DNASE1: variants seen among roughly 807,000 people sequenced by gnomAD.
DNASE1 encodes the protein deoxyribonuclease 1.
A neutral mutation model predicts 33.9 loss-of-function variants in DNASE1; 40 were observed. The observed-to-expected ratio is 1.18, with a 90% CI of 0.92 to 1.54. The LOEUF is 1.54. DNASE1 is among the 40% of genes most tolerant of loss of function. The pLI is 0.00. For synonymous variants in DNASE1, 216 were observed against 160.0 expected, an observed-to-expected ratio of 1.35 and a Z score of -2.64; for missense variants, 518 against 372.6, an observed-to-expected ratio of 1.39 and a Z score of -3.21.
chr16:3,622,213 G>GAAAAA (rs56171298), intron 1 of DNASE1, among the ~76,000 whole-genome samples: 2 of 68,286 alleles, frequency 2.9e-5, no homozygotes, highest in Non-Finnish European at 6.1e-5. Flanking sequence ...GAGCAAGACT[G>GAAAAA]AAAAAAAAAA....
downstream of DNASE1, chr16:3,662,971 C>A (rs771331013): frequency 1.2e-6 from 2 of 1,605,974 alleles, no homozygotes; most frequent in Non-Finnish European, 1.7e-6. Context: ...TCGGCGGCTG[C>A]GGAAGAGCAG....
intron 1 of DNASE1, among the ~76,000 whole-genome samples, chr16:3,647,404 G>C (rs1050733187): frequency 6.6e-6 from 1 of 151,826 alleles, no homozygotes; most frequent in East Asian, 1.9e-4. Flanking sequence ...CTCCTGAGTA[G>C]CTGGGACTAC....
chr16:3,655,952 C>T lies in DNASE1; in HGVS notation c.236+15C>T, dbSNP rs1266241606. The T allele has an allele frequency of 2.9e-5, 47 of 1,613,808 alleles. No individual in the cohort carries two copies. Among genetic ancestry groups the T allele is most frequent in the African/African-American group, 8.0e-5 (6 of 74,920 alleles). On this transcript the variant is annotated intron_variant, in intron 3 of 8. Coordinates refer to ENST00000246949, the MANE Select transcript of DNASE1 (RefSeq NM_005223.4). ...AACCTCAATCAGTGGGTGACAGTGG[C>T]AGGGTCATAGGAAGGTGACATCTCG...
At chr16:3,662,187 G>A, downstream of DNASE1, 4 of 1,573,804 alleles carry the variant, frequency 2.5e-6, no homozygotes, top group South Asian at 1.2e-5. Context: ...TGAGAGGGCT[G>A]GCAGGATCTT....
intron 1 of DNASE1, among the ~76,000 whole-genome samples, chr16:3,622,860 T>C (rs150490552): frequency 3.3e-5 from 5 of 152,338 alleles, no homozygotes; most frequent in African/African-American, 9.6e-5. Flanking sequence ...GACTCACCTT[T>C]ACGTTCTCTT....
At chr16:3,664,221 G>C in exon 10 of DNASE1, 10 of 1,478,176 alleles carry the variant, frequency 6.8e-6, no homozygotes, top group Non-Finnish European at 9.0e-6. Context: ...AGAAGGTCAA[G>C]ACCCTCCCCA....
chr16:3,649,390 TAGCATCCCCCTA>T (rs2042266300), intron 1 of DNASE1, among the ~76,000 whole-genome samples: 1 of 152,240 alleles, frequency 6.6e-6, no homozygotes, highest in African/African-American at 2.4e-5. Flanking sequence ...GTTGAGTTCC[TAGCATCCCCCTA>T]AGGTGGCTGA....
At chr16:3,614,811 T>C (rs1464050596) in intron 1 of DNASE1, among the ~76,000 whole-genome samples, 2 of 152,226 alleles carry the variant, frequency 1.3e-5, no homozygotes, top group African/African-American at 4.8e-5. Flanking sequence ...CTAATAAACA[T>C]GGACATGGCT....
chr16:3,655,116 C>T (rs1000983937), intron 1 of DNASE1, 72 bp downstream of exon 1: 2 of 600,582 alleles, frequency 3.3e-6, no homozygotes, highest in African/African-American at 3.7e-5. Context: ...GAGTCTCATC[C>T]TCCAGCAGCG....
intron 1 of DNASE1, among the ~76,000 whole-genome samples, chr16:3,612,384 G>A (rs2040914961): frequency 6.6e-6 from 1 of 151,892 alleles, no homozygotes; most frequent in South Asian, 2.1e-4. Context: ...CCAAGTAGCT[G>A]GGATTACAGG....
chr16:3,641,156 G>T (rs974189603), upstream of DNASE1: 2 of 391,390 alleles, frequency 5.1e-6, no homozygotes, highest in Non-Finnish European at 9.0e-6. Context: ...GCAGCTCCAC[G>T]CTGTGGGGGG....
At position 3,613,170 on chromosome 16, in the gene DNASE1, T is replaced by A. The variant is rs762407853; in HGVS notation, c.-1359+1164T>A. The stretch of plus-strand genomic sequence containing the variant: ...GACCCCATCCCCTGGCAATCACTTA[T>A]CGGCTTTCTGTCTCTGTGGTTTTGC... On this transcript the variant is annotated intron_variant and NMD_transcript_variant, in intron 1 of 11. Transcript: ENST00000570769. Among the ~76,000 whole-genome samples the A allele has an allele frequency of 3.3e-5, 5 of 152,136 alleles. 1 individual carries two copies. The South Asian group carries it at 1.0e-3, about 31-fold the overall frequency.
intron 5 of DNASE1, 99 bp downstream of exon 5, chr16:3,656,852 C>T (rs2042682293): frequency 1.3e-6 from 2 of 1,543,144 alleles, no homozygotes; most frequent in Admixed American, 2.0e-5. Flanking sequence ...ACTGCCCTCC[C>T]AGTCCCTGGG....
chr16:3,646,727 G>T (rs2042182019), intron 1 of DNASE1, among the ~76,000 whole-genome samples: 1 of 152,178 alleles, frequency 6.6e-6, no homozygotes, highest in Non-Finnish European at 1.5e-5. Flanking sequence ...TCTGAGAGCT[G>T]TGGGGACGGC....
intron 1 of DNASE1, among the ~76,000 whole-genome samples, chr16:3,617,800 A>C (rs2041162313): frequency 6.6e-6 from 1 of 152,034 alleles, no homozygotes; most frequent in Non-Finnish European, 1.5e-5. Flanking sequence ...TTTTTAAAAA[A>C]AGAAAAGAGG....
chr16:3,624,324 C>G (rs2041429457), intron 1 of DNASE1, among the ~76,000 whole-genome samples: 1 of 151,092 alleles, frequency 6.6e-6, no homozygotes, highest in African/African-American at 2.4e-5. Flanking sequence ...AAGGTCTTCT[C>G]TACTTTGAGA....
upstream of DNASE1, among the ~76,000 whole-genome samples, chr16:3,641,857 G>C (rs1479966837): frequency 6.6e-6 from 1 of 152,184 alleles, no homozygotes; most frequent in Admixed American, 6.5e-5. Flanking sequence ...GGAGAGCAGG[G>C]GCCGGGGACC....
chr16:3,634,131 A>T (rs1432999700), intron 1 of DNASE1, among the ~76,000 whole-genome samples: 5 of 151,894 alleles, frequency 3.3e-5, no homozygotes. Context: ...TATTGACAGC[A>T]ATATCATAAG....
At chr16:3,654,639 T>C (rs1418649131), upstream of DNASE1, 1 of 399,044 alleles carries the variant, frequency 2.5e-6, no homozygotes. Flanking sequence ...ATAGGAACCT[T>C]TGGCCTTGTT....
Sources: gnomAD v4.1 joint callset for allele counts (sites outside exome capture counted in the v4.1 genomes callset) on GRCh38, gnomAD v4.1.1 for gene constraint, MANE v1.5 for transcripts, NCBI Gene and HGNC (gene_info 2026-07-23, HGNC 2026-07-21) for gene names.